Variants in MTA3 observed in about 807,000 individuals in gnomAD.
The protein encoded by MTA3 is metastasis-associated protein MTA3.
A neutral mutation model predicts 83.5 loss-of-function variants in MTA3; 34 were observed. The observed-to-expected ratio is 0.41, with a 90% CI of 0.31 to 0.54. MTA3 has a LOEUF of 0.54. MTA3 is among the 20% of genes least tolerant of loss of function. The pLI, the probability that MTA3 is intolerant of heterozygous loss-of-function variation, is 0.33. For missense variants in MTA3, 761 were observed against 726.4 expected (o/e 1.05, Z -0.55); for synonymous variants, 303 against 252.7 (o/e 1.20, Z -1.89).
In MTA3 at chr2:42,531,598, G is replaced by A. The variant is rs551236874; in HGVS notation, c.-141+36344G>A. Among the ~76,000 whole-genome samples the A allele has an allele frequency of 2.6e-5, 4 of 151,428 alleles. No homozygotes were observed. In the South Asian group the frequency reaches 8.4e-4, roughly 32 times the overall value. On this transcript the variant is annotated intron_variant, in intron 2 of 17. Coordinates refer to the MTA3 transcript ENST00000405592. ...CTCCCGAGTAGGTGGGACTACAGGC[G>A]TGTGCCACCACACCCAGCTAATTTT...
rs535853082 is a variant in MTA3 at position 42,510,654 on chromosome 2, G to A, written c.-141+15400G>A. Among the ~76,000 whole-genome samples, 3 of 152,244 alleles carry A rather than the reference G, an allele frequency of 2.0e-5. No individual in the cohort carries two copies. In the South Asian group the frequency reaches 6.2e-4, roughly 32 times the overall value. On this transcript the variant is annotated intron_variant, in intron 2 of 17. Coordinates refer to the MTA3 transcript ENST00000405592. ...TGGCTTAGAAACTATAGAAAATATG[G>A]GGAAAAAAATGTAGAGGGCTGTTGC...
Position 42,753,629 on chromosome 2 carries a change from G to A in MTA3, c.*230G>A, listed in dbSNP as rs1670045656. On this transcript the variant is annotated 3_prime_UTR_variant, in exon 17 of 17. Transcript: ENST00000405094. ...ACCTCGCTTTCTTGTCAGAGACCTCGCTGTTACGGAGCGAGACCTGCTGAG... is the reference window on the plus strand; with the variant it reads ...ACCTCGCTTTCTTGTCAGAGACCTCACTGTTACGGAGCGAGACCTGCTGAG... The A allele has an allele frequency of 3.7e-6, 5 of 1,351,690 alleles. No individual in the cohort carries two copies. Among genetic ancestry groups the A allele is most frequent in the South Asian group, 3.2e-5 (2 of 62,146 alleles). 83.7% of individuals were successfully genotyped at this position (1,351,690 alleles called of 1,614,324 possible). A position where few individuals can be genotyped will look rare whatever the true frequency, so the allele number is the denominator to read the frequency against.
intron 9 of MTA3, among the ~76,000 whole-genome samples, chr2:42,685,979 T>C (rs550967625): frequency 6.6e-6 from 1 of 152,314 alleles, no homozygotes; most frequent in South Asian, 2.1e-4. Context: ...ACATGAAGTT[T>C]TAAGAAGTGT....
chr2:42,735,728 T>G (rs375454900), intron 16 of MTA3, among the ~76,000 whole-genome samples: 2 of 152,230 alleles, frequency 1.3e-5, no homozygotes, highest in African/African-American at 2.4e-5. Flanking sequence ...TTTCTTGTGC[T>G]TGATCAATTC....
At chr2:42,503,421 A>C (rs573048264) in intron 2 of MTA3, among the ~76,000 whole-genome samples, 1 of 152,074 alleles carries the variant, frequency 6.6e-6, no homozygotes, top group Non-Finnish European at 1.5e-5. Flanking sequence ...ATCTTGTGCC[A>C]ACCTCCTATC....
At chr2:42,712,165 A>G (rs1312837857) in intron 14 of MTA3, among the ~76,000 whole-genome samples, 1 of 152,214 alleles carries the variant, frequency 6.6e-6, no homozygotes, top group African/African-American at 2.4e-5. Context: ...AGCAAATAGT[A>G]AAAACAAAAA....
At chr2:42,740,418 G>T (rs997640116) in intron 16 of MTA3, among the ~76,000 whole-genome samples, 1 of 152,176 alleles carries the variant, frequency 6.6e-6, no homozygotes, top group Non-Finnish European at 1.5e-5. Context: ...AGGCTGAGGT[G>T]GGAAGATCAC....
chr2:42,633,173 G>T (rs1686848436), intron 4 of MTA3, among the ~76,000 whole-genome samples: 1 of 151,924 alleles, frequency 6.6e-6, no homozygotes, highest in Non-Finnish European at 1.5e-5. Context: ...TGAGGCAGGA[G>T]AATCGTTTGA....
chr2:42,686,504 T>C (rs542512391), intron 9 of MTA3, among the ~76,000 whole-genome samples: 64 of 139,054 alleles, frequency 4.6e-4, no homozygotes, highest in South Asian at 1.5e-3. Flanking sequence ...CTGGGCAACA[T>C]AGTAGACTCT....
chr2:42,559,614 C>T (rs1572982767), intron 2 of MTA3, among the ~76,000 whole-genome samples: 1 of 151,944 alleles, frequency 6.6e-6, no homozygotes, highest in East Asian at 1.9e-4. Flanking sequence ...CGCAGTGGCT[C>T]ACGCCTGTAA....
chr2:42,611,339 ACCCC>A (rs1553361001), intron 4 of MTA3, among the ~76,000 whole-genome samples: 1 of 150,596 alleles, frequency 6.6e-6, no homozygotes, highest in African/African-American at 2.4e-5. Flanking sequence ...ACACACACAC[ACCCC>A]CTCACACACA....
intron 3 of MTA3, among the ~76,000 whole-genome samples, chr2:42,602,982 A>G (rs913667868): frequency 6.6e-6 from 1 of 152,160 alleles, no homozygotes; most frequent in African/African-American, 2.4e-5. Context: ...GTAATTTTAT[A>G]GTACTCACCA....
chr2:42,644,218 C>G lies in MTA3; in HGVS notation c.473C>G (p.Ala158Gly), dbSNP rs1203073105. The change falls in exon 6 of 17, where the codon GCA (alanine) becomes GGA (glycine). Residue 158 changes from alanine (A) to glycine (G), a missense_variant. By Grantham distance (60) the Ala-to-Gly change is moderately conservative. Coordinates refer to ENST00000405094, the MANE Select transcript of MTA3 (RefSeq NM_001330442.2). ...GEIRVGPRYQ[A>G]DIPEMLLEGE... ...ATCAGAGTGGGACCTAGATATCAAG[C>G]AGACATTCCAGAAATGCTGTTAGAA... 6.2e-7 allele frequency: 1 copy of G among 1,611,014 alleles called. No homozygotes were observed. Among genetic ancestry groups the G allele is most frequent in the Non-Finnish European group, 8.5e-7 (1 of 1,178,698 alleles).
At chr2:42,578,227 A>C (rs1188790732) in intron 2 of MTA3, among the ~76,000 whole-genome samples, 1 of 152,186 alleles carries the variant, frequency 6.6e-6, no homozygotes, top group African/African-American at 2.4e-5. Flanking sequence ...TTTTATTATA[A>C]TCTGTGTGTT....
At chr2:42,702,594 G>A (rs945853026) in intron 11 of MTA3, 2 of 152,164 alleles carry the variant, frequency 1.3e-5, no homozygotes, top group African/African-American at 2.4e-5. Context: ...TAGCCATTCA[G>A]CATTCATTTC....
chr2:42,609,756 C>T (rs1337086901), intron 4 of MTA3, among the ~76,000 whole-genome samples, 172 bp downstream of exon 4: 1 of 152,128 alleles, frequency 6.6e-6, no homozygotes, highest in Non-Finnish European at 1.5e-5. Flanking sequence ...CATATTAAAG[C>T]CCCACAAAAG....
chr2:42,687,169 A>G (rs1018950406), intron 9 of MTA3, among the ~76,000 whole-genome samples: 4 of 152,118 alleles, frequency 2.6e-5, no homozygotes, highest in African/African-American at 9.7e-5. Context: ...GACACAGTAC[A>G]GTTTCATCAC....
chr2:42,591,950 T>C (rs1362801021), intron 3 of MTA3, among the ~76,000 whole-genome samples: 3 of 151,232 alleles, frequency 2.0e-5, no homozygotes, highest in African/African-American at 7.3e-5. Flanking sequence ...TGCCTGGCCT[T>C]AAGCTTTTTT....
chr2:42,562,602 G>A (rs1677718222), intron 2 of MTA3, among the ~76,000 whole-genome samples: 1 of 152,146 alleles, frequency 6.6e-6, no homozygotes, highest in South Asian at 2.1e-4. Flanking sequence ...CCCACACTCT[G>A]CCTATTTGCA....
Sources: allele counts gnomAD v4.1 joint callset (sites outside exome capture counted in the v4.1 genomes callset), GRCh38; gene constraint gnomAD v4.1.1; transcripts MANE v1.5; gene names NCBI Gene and HGNC (gene_info 2026-07-23, HGNC 2026-07-21).